The following ASTN2 variants were observed in gnomAD, a reference collection of about 807,000 sequenced individuals.
ASTN2 encodes astrotactin-2.
In ASTN2, 54 loss-of-function variants were observed where a neutral mutation model predicts 139.8. The observed-to-expected ratio is 0.39, with a 90% CI of 0.31 to 0.48. The LOEUF (loss-of-function observed/expected upper bound fraction) is 0.48. Ranked by LOEUF, ASTN2 falls within the 20% of genes least tolerant of loss-of-function variation. The pLI, the probability that ASTN2 is intolerant of heterozygous loss-of-function variation, is 0.95. For synonymous variants in ASTN2, 756 were observed against 719.5 expected (o/e 1.05, Z -0.81); for missense variants, 1,565 against 1,725.1 (o/e 0.91, Z 1.64).
intron 6 of ASTN2, among the ~76,000 whole-genome samples, chr9:117,025,050 C>G (rs1838019093): frequency 6.6e-6 from 1 of 152,082 alleles, no homozygotes; most frequent in African/African-American, 2.4e-5. Context: ...AACTGTGAGT[C>G]AAACCTCCTT....
intron 13 of ASTN2, among the ~76,000 whole-genome samples, chr9:116,799,706 T>TGC (rs1830790314): frequency 8.1e-6 from 1 of 123,278 alleles, no homozygotes; most frequent in South Asian, 2.9e-4. Flanking sequence ...GGTAAGAGAG[T>TGC]GGGGGGGGGG....
intron 12 of ASTN2, among the ~76,000 whole-genome samples, chr9:116,817,158 G>C (rs1831354378): frequency 6.6e-6 from 1 of 151,922 alleles, no homozygotes; most frequent in South Asian, 2.1e-4. Flanking sequence ...GCTGGGTGTG[G>C]TGGCACGCAC....
At chr9:117,256,087 C>T (rs1833678462) in intron 2 of ASTN2, among the ~76,000 whole-genome samples, 1 of 152,190 alleles carries the variant, frequency 6.6e-6, no homozygotes, top group Non-Finnish European at 1.5e-5. Context: ...GAGGCTCACA[C>T]CAAGCCTGCA....
intron 1 of ASTN2, among the ~76,000 whole-genome samples, chr9:117,314,508 C>G (rs1029614381): frequency 6.6e-6 from 1 of 150,756 alleles, no homozygotes; most frequent in Non-Finnish European, 1.5e-5. Flanking sequence ...CTCAATATAC[C>G]CCCTACCCAG....
At chr9:116,981,415 G>A (rs1836510072) in intron 7 of ASTN2, among the ~76,000 whole-genome samples, 2 of 152,208 alleles carry the variant, frequency 1.3e-5, no homozygotes. Flanking sequence ...AACAAAGAGT[G>A]CAAACACAAG....
At chr9:116,470,419 T>C (rs1322740586) in intron 20 of ASTN2, among the ~76,000 whole-genome samples, 1 of 152,150 alleles carries the variant, frequency 6.6e-6, no homozygotes, top group Non-Finnish European at 1.5e-5. Context: ...AGAGACAAAC[T>C]GTCTGAGTTC....
chr9:116,574,947 T>C (rs919204531), intron 19 of ASTN2, among the ~76,000 whole-genome samples: 4 of 152,218 alleles, frequency 2.6e-5, no homozygotes, highest in Non-Finnish European at 5.9e-5. Context: ...GTTAAGACTC[T>C]ATCCTTACTC....
At position 117,214,470 on chromosome 9, in the gene ASTN2, T is replaced by C. The variant is rs1427005953; in HGVS notation, c.903A>G (p.Pro301=). The C allele has an allele frequency of 1.9e-6, 3 of 1,614,044 alleles. No individual in the cohort carries two copies. Among genetic ancestry groups the C allele is most frequent in the Admixed American group, 1.7e-5 (1 of 60,002 alleles). Residue 301 remains proline, a synonymous_variant, in exon 3 of 23, where the codon CCA becomes CCG. Coordinates refer to ENST00000313400, the MANE Select transcript of ASTN2 (RefSeq NM_001365068.1). ...DDYDCEEDEE[P]PRRANHVSRE... is the part of the protein sequence containing the mutation. ...GGGAGACATGGTTGGCCCGCCTAGG[T>C]GGCTCCTCATCCTCCTCACAGTCAT...
chr9:117,271,521 C>A (rs948323836), intron 2 of ASTN2, among the ~76,000 whole-genome samples: 1 of 152,158 alleles, frequency 6.6e-6, no homozygotes, highest in Non-Finnish European at 1.5e-5. Flanking sequence ...AGTCTTAAAT[C>A]ATTTCAGCGT....
chr9:116,531,574 T>A (rs1389383759), intron 19 of ASTN2, among the ~76,000 whole-genome samples: 3 of 144,768 alleles, frequency 2.1e-5, no homozygotes, highest in African/African-American at 7.6e-5. Flanking sequence ...GTCCAAGTGT[T>A]CTCATTGTTC....
chr9:117,007,003 G>A (rs544386928), intron 7 of ASTN2, among the ~76,000 whole-genome samples: 44 of 152,200 alleles, frequency 2.9e-4, no homozygotes, highest in African/African-American at 1.0e-3. Context: ...TGTAATCCCC[G>A]CTACTCAGGA....
chr9:116,642,146 CA>C (rs59895161), intron 17 of ASTN2, among the ~76,000 whole-genome samples: 1 of 120,358 alleles, frequency 8.3e-6, no homozygotes, highest in Non-Finnish European at 1.6e-5. Context: ...AAAAAAAAAA[CA>C]AAAAAAAACA....
intron 19 of ASTN2, among the ~76,000 whole-genome samples, chr9:116,541,378 G>A (rs958226241): frequency 1.3e-5 from 2 of 152,024 alleles, no homozygotes; most frequent in Non-Finnish European, 2.9e-5. Context: ...AGTGAGAAAG[G>A]GTCTATAATC....
At chr9:116,716,079 C>T (rs1455693054) in intron 16 of ASTN2, among the ~76,000 whole-genome samples, 1 of 152,196 alleles carries the variant, frequency 6.6e-6, no homozygotes, top group African/African-American at 2.4e-5. Context: ...TAGTGCCAGA[C>T]TGCTGAGAGA....
At chr9:116,680,849 AATTAGGTATTG>A (rs201557880) in intron 16 of ASTN2, among the ~76,000 whole-genome samples, 3,213 of 152,314 alleles carry the variant, frequency 0.021, 45 homozygotes, top group Middle Eastern at 0.068. Flanking sequence ...ACTCTCAATA[AATTAGGTATTG>A]ATGGGACGTA....
At chr9:116,509,440 G>C (rs1850266548) in intron 19 of ASTN2, among the ~76,000 whole-genome samples, 1 of 152,106 alleles carries the variant, frequency 6.6e-6, no homozygotes, top group African/African-American at 2.4e-5. Context: ...CCAAGTCTTT[G>C]CTATTGAGAA....
chr9:116,718,713 C>T (rs929766556), intron 16 of ASTN2, among the ~76,000 whole-genome samples: 3 of 151,760 alleles, frequency 2.0e-5, no homozygotes, highest in Non-Finnish European at 4.4e-5. Flanking sequence ...TTGGTTTTTT[C>T]CTGCCTCTGG....
chr9:117,369,984 C>T (rs1317393753), intron 1 of ASTN2, among the ~76,000 whole-genome samples: 2 of 152,078 alleles, frequency 1.3e-5, no homozygotes. Flanking sequence ...TCATGGCACG[C>T]TAGTTAACAA....
intron 16 of ASTN2, among the ~76,000 whole-genome samples, chr9:116,718,889 C>T (rs1032366301): frequency 2.7e-5 from 4 of 149,134 alleles, no homozygotes; most frequent in African/African-American, 9.9e-5. Context: ...TGGAACTTCT[C>T]AGCCTCAATA....
Sources: gnomAD v4.1 joint callset for allele counts (sites outside exome capture counted in the v4.1 genomes callset) on GRCh38, gnomAD v4.1.1 for gene constraint, MANE v1.5 for transcripts, NCBI Gene and HGNC (gene_info 2026-07-23, HGNC 2026-07-21) for gene names.